Variants in TXNL4A observed in about 807,000 individuals in gnomAD.
TXNL4A encodes the protein thioredoxin-like protein 4A.
TXNL4A carries 17 observed loss-of-function variants against 14.6 expected under a neutral mutation model. The observed-to-expected ratio is 1.16, with a 90% CI of 0.80 to 1.74. The LOEUF (loss-of-function observed/expected upper bound fraction) is 1.74. TXNL4A is among the 40% of genes most tolerant of loss of function. The probability of loss-of-function intolerance (pLI) is 0.00; values close to 1 mark genes in which losing one functional copy is unlikely to be tolerated. For missense variants in TXNL4A, 74 were observed against 195.2 expected (o/e 0.38, Z 3.70); for synonymous variants, 83 against 70.6 (o/e 1.18, Z -0.88).
At chr18:79,991,609 A>G (rs913390380), upstream of TXNL4A, among the ~76,000 whole-genome samples, 18 of 152,318 alleles carry the variant, frequency 1.2e-4, no homozygotes, top group East Asian at 1.2e-3. Flanking sequence ...ATGAACATTC[A>G]TGTACAAGCT....
intron 1 of TXNL4A, among the ~76,000 whole-genome samples, chr18:79,980,012 C>G (rs1449946714): frequency 2.0e-5 from 3 of 152,182 alleles, no homozygotes; most frequent in African/African-American, 7.2e-5. Flanking sequence ...CAGGCGTAAT[C>G]AGTTAAGGTA....
At chr18:79,980,847 T>G (rs2051453263) in intron 1 of TXNL4A, among the ~76,000 whole-genome samples, 1 of 152,178 alleles carries the variant, frequency 6.6e-6, no homozygotes, top group South Asian at 2.1e-4. Context: ...GGCATGCGAC[T>G]CCCCGTCCAT....
At chr18:80,031,958 G>C (rs1032005730) in intron 1 of TXNL4A, among the ~76,000 whole-genome samples, 3 of 152,190 alleles carry the variant, frequency 2.0e-5, no homozygotes, top group Non-Finnish European at 4.4e-5. Context: ...TGCTTATAAT[G>C]TTGTTGTGGT....
chr18:79,986,149 C>T (rs1196549908), intron 1 of TXNL4A, among the ~76,000 whole-genome samples: 1 of 151,852 alleles, frequency 6.6e-6, no homozygotes, highest in African/African-American at 2.4e-5. Context: ...AGGTGATTCT[C>T]CCACCTCAGC....
At chr18:80,027,721 G>T (rs529487825) in intron 1 of TXNL4A, among the ~76,000 whole-genome samples, 2 of 152,272 alleles carry the variant, frequency 1.3e-5, no homozygotes, top group South Asian at 2.1e-4. Flanking sequence ...CAGGAAGATG[G>T]TCTATATTTA....
At chr18:80,005,903 ACT>A (rs773891350) in intron 1 of TXNL4A, among the ~76,000 whole-genome samples, 1 of 152,046 alleles carries the variant, frequency 6.6e-6, no homozygotes, top group Non-Finnish European at 1.5e-5. Context: ...ACAGAGCAAG[ACT>A]CTGTTTCAAA....
At chr18:80,007,401 C>A (rs1045489061) in intron 1 of TXNL4A, among the ~76,000 whole-genome samples, 1 of 152,144 alleles carries the variant, frequency 6.6e-6, no homozygotes, top group African/African-American at 2.4e-5. Context: ...ACAGGGGTGT[C>A]GTGCAGAGAG....
chr18:79,993,334 T>C (rs2145096660), upstream of TXNL4A, among the ~76,000 whole-genome samples: 1 of 150,262 alleles, frequency 6.7e-6, no homozygotes, highest in South Asian at 2.1e-4. The surrounding 1 kb of genome is among the most constrained non-coding windows in gnomAD (Gnocchi z 4.4). Flanking sequence ...AAAAAAAAAA[T>C]CTCCTTTTTT....
At chr18:80,027,197 T>G (rs2051890293) in intron 1 of TXNL4A, among the ~76,000 whole-genome samples, 1 of 152,074 alleles carries the variant, frequency 6.6e-6, no homozygotes, top group African/African-American at 2.4e-5. Flanking sequence ...TAAACAGTTT[T>G]GTCTCCGATA....
rs551481307 is a variant in TXNL4A at position 79,971,033 on chromosome 18, T to C, written c.*2652A>G. 1 of 154,164 alleles carries C rather than the reference T, an allele frequency of 6.5e-6. No individual in the cohort carries two copies. The highest frequency in any genetic ancestry group is 6.4e-5 in the Admixed American group (1 of 15,680). 9.5% of individuals were successfully genotyped at this position (154,164 alleles called of 1,614,324 possible). ...TTAGCTGTCACCTCCTATTTCCCCC[T>C]CCCTCCCAGTCTTAAGCAACCACTA... is the stretch of plus-strand genomic sequence containing the variant. On this transcript the variant is annotated 3_prime_UTR_variant, in exon 3 of 3. Coordinates refer to ENST00000269601, the MANE Select transcript of TXNL4A (RefSeq NM_006701.5).
At chr18:80,010,982 C>G (rs1568378114) in intron 1 of TXNL4A, among the ~76,000 whole-genome samples, 1 of 151,616 alleles carries the variant, frequency 6.6e-6, no homozygotes, top group Non-Finnish European at 1.5e-5. Flanking sequence ...TTGGCTACTT[C>G]CTGCTGGAAA....
At chr18:80,029,028 A>G (rs763403070) in intron 1 of TXNL4A, among the ~76,000 whole-genome samples, 6 of 152,212 alleles carry the variant, frequency 3.9e-5, no homozygotes, top group Non-Finnish European at 8.8e-5. Flanking sequence ...AAAACCCGAA[A>G]CACTTAGAAA....
At chr18:79,978,776 G>A (rs1291950160) in intron 1 of TXNL4A, among the ~76,000 whole-genome samples, 1 of 152,064 alleles carries the variant, frequency 6.6e-6, no homozygotes, top group Non-Finnish European at 1.5e-5. Context: ...TTACAGGCAT[G>A]AGCCACCACG....
chr18:80,018,609 A>G (rs1006527070), intron 1 of TXNL4A, among the ~76,000 whole-genome samples: 31 of 152,182 alleles, frequency 2.0e-4, no homozygotes, highest in African/African-American at 7.0e-4. Context: ...AAAGAAAAAA[A>G]GAGAGAAGAA....
chr18:80,023,105 A>G (rs185810704), intron 1 of TXNL4A, among the ~76,000 whole-genome samples: 71 of 152,332 alleles, frequency 4.7e-4, no homozygotes, highest in Non-Finnish European at 8.8e-4. Context: ...TTAACTTTCA[A>G]ACACAAAATT....
chr18:80,004,523 G>A (rs2051717298), intron 1 of TXNL4A, among the ~76,000 whole-genome samples: 1 of 152,198 alleles, frequency 6.6e-6, no homozygotes, highest in South Asian at 2.1e-4. Context: ...AGCAATCTGG[G>A]GGGGATTCGC....
chr18:79,996,748 G>C (rs2051665597), intron 1 of TXNL4A, among the ~76,000 whole-genome samples: 1 of 152,184 alleles, frequency 6.6e-6, no homozygotes, highest in Admixed American at 6.5e-5. Context: ...TTAGAGATCA[G>C]CCAGGCCAAC....
intron 1 of TXNL4A, among the ~76,000 whole-genome samples, chr18:79,983,952 C>T (rs1171481589): frequency 6.6e-6 from 1 of 151,844 alleles, no homozygotes; most frequent in African/African-American, 2.4e-5. Flanking sequence ...CCGCTCAACA[C>T]CACTCCTCAT....
rs1041355745 is a variant in TXNL4A, at chr18:79,972,961, C to T, written c.*724G>A. On this transcript the variant is annotated 3_prime_UTR_variant, in exon 3 of 3. Coordinates refer to ENST00000269601, the MANE Select transcript of TXNL4A (RefSeq NM_006701.5). ...TCTGTCATGGATTGAATTGTGTAACCGCAAAATTTATATATTGAAGTCCTA... is the reference window on the plus strand; with the variant it reads ...TCTGTCATGGATTGAATTGTGTAACTGCAAAATTTATATATTGAAGTCCTA... The T allele has an allele frequency of 2.6e-5, 4 of 152,076 alleles. No homozygotes were observed. The highest frequency in any genetic ancestry group is 7.2e-5 in the African/African-American group (3 of 41,398). 9.4% of individuals were successfully genotyped at this position (152,076 alleles called of 1,614,324 possible).
Sources: gnomAD v4.1 joint callset for allele counts (sites outside exome capture counted in the v4.1 genomes callset) on GRCh38, gnomAD v4.1.1 for gene constraint, Gnocchi (gnomAD v3.1) non-coding constraint, MANE v1.5 for transcripts, NCBI Gene and HGNC (gene_info 2026-07-23, HGNC 2026-07-21) for gene names.